The following ARMC7 variants were observed in gnomAD, a reference collection of about 807,000 sequenced individuals.
ARMC7 encodes the protein armadillo repeat containing 7.
A neutral mutation model predicts 14.8 loss-of-function variants in ARMC7; 9 were observed. That is an observed-to-expected ratio of 0.61 (90% confidence interval 0.37 to 1.06). The LOEUF is 1.06. Among genes scored for constraint, ARMC7 ranks in the 50% least tolerant of loss-of-function variants. The pLI is 0.01. For missense variants in ARMC7, 262 were observed against 267.1 expected (o/e 0.98, Z 0.13); for synonymous variants, 125 against 123.4 (o/e 1.01, Z -0.09).
intron 2 of ARMC7, among the ~76,000 whole-genome samples, chr17:75,118,555 C>T (rs1177214229): frequency 2.0e-5 from 3 of 152,240 alleles, no homozygotes; most frequent in African/African-American, 4.8e-5. Flanking sequence ...GATCCGGCTA[C>T]AGCGACCGCG....
chr17:75,111,091 C>G (rs2073918643), intron 2 of ARMC7, among the ~76,000 whole-genome samples: 2 of 151,948 alleles, frequency 1.3e-5, no homozygotes, highest in Admixed American at 6.6e-5. Flanking sequence ...TGCTACTGCA[C>G]TCCAGCCTGG....
chr17:75,110,592 T>C lies in ARMC7; in HGVS notation c.221T>C (p.Val74Ala), dbSNP rs775374565. The change falls in exon 2 of 3, where the codon GTG becomes GCG. Residue 74 changes from valine (V) to alanine (A), a missense_variant. By Grantham distance (64) the Val-to-Ala change is moderately conservative (BLOSUM62 0). Transcript: ENST00000245543. ...CTGTCGGAGGAGAATGAGACCCTGG[T>C]GGAGTTTGCTATTGGTAAGGGCGGG... ...DSLSEENETL[V>A]EFAIGGLCNL... The C allele has an allele frequency of 6.2e-7, 1 of 1,614,138 alleles. No individual in the cohort carries two copies. Among genetic ancestry groups the C allele is most frequent in the African/African-American group, 1.3e-5 (1 of 75,024 alleles).
At chr17:75,120,387 GTGTAGAGTTCC>G (rs2074004878) in intron 2 of ARMC7, among the ~76,000 whole-genome samples, 1 of 152,106 alleles carries the variant, frequency 6.6e-6, no homozygotes, top group African/African-American at 2.4e-5. Flanking sequence ...CAGGGTTCTC[GTGTAGAGTTCC>G]TGTGTGTCCT....
chr17:75,114,190 C>A, intron 2 of ARMC7: 1 of 401,244 alleles, frequency 2.5e-6, no homozygotes, highest in Non-Finnish European at 4.4e-6. Flanking sequence ...TGAACGGTGA[C>A]GGTGGCCCCT....
intron 1 of ARMC7, 32 bp from the exon 2 acceptor site, chr17:75,110,431 G>A (rs1408404585): frequency 3.7e-6 from 6 of 1,614,048 alleles, no homozygotes; most frequent in Non-Finnish European, 5.1e-6. Context: ...CCGCCGCCCG[G>A]ACCTGGCTTC....
chr17:75,112,146 G>A (rs974618789), intron 2 of ARMC7, among the ~76,000 whole-genome samples: 2 of 152,210 alleles, frequency 1.3e-5, no homozygotes, highest in Non-Finnish European at 2.9e-5. Context: ...CAGACGGAAG[G>A]CTGATGTGGG....
chr17:75,110,391 G>C lies in ARMC7; in HGVS notation c.91+12G>C, dbSNP rs1180677373. On this transcript the variant is annotated intron_variant, in intron 1 of 2. Coordinates refer to ENST00000245543, the MANE Select transcript of ARMC7 (RefSeq NM_024585.4). ...GACCCAAAGCCAAGGTGAGAGCCAC[G>C]GTGGGATCAGGTGGCAGGGTCCGCT... 1.9e-6 allele frequency: 3 copies of C among 1,614,052 alleles called. No homozygotes were observed. The highest frequency in any genetic ancestry group is 2.5e-6 in the Non-Finnish European group (3 of 1,180,032).
intron 2 of ARMC7, among the ~76,000 whole-genome samples, chr17:75,117,181 A>G (rs1381495248): frequency 6.6e-6 from 1 of 152,092 alleles, no homozygotes; most frequent in East Asian, 1.9e-4. Context: ...GGTTCAAGCA[A>G]TTCTCCTGCC....
rs1320277534 is a variant in ARMC7, at chr17:75,128,741, C to G, written c.300C>G (p.Val100=). Residue 100 remains valine, a synonymous_variant, in exon 3 of 3, where the codon GTC becomes GTG. Transcript: ENST00000245543. The part of the protein sequence containing the change: ...NKEHILHAGG[V]PLIINCLSSP... ...AGCACATCCTGCACGCAGGAGGTGT[C>G]CCACTCATCATCAACTGCCTATCCA... 6.2e-7 allele frequency: 1 copy of G among 1,613,484 alleles called. No homozygotes were observed. Among genetic ancestry groups the G allele is most frequent in the African/African-American group, 1.3e-5 (1 of 74,916 alleles).
chr17:75,114,183 A>G lies in ARMC7; in HGVS notation c.235+3577A>G. On this transcript the variant is annotated intron_variant, in intron 2 of 2. Coordinates refer to ENST00000245543, the MANE Select transcript of ARMC7 (RefSeq NM_024585.4). ...TGCCCCCACAGCTGCTGCAGTCTGA[A>G]CGGTGACGGTGGCCCCTGCAGAAGC... is the stretch of plus-strand genomic sequence containing the variant. The G allele has an allele frequency of 7.5e-6, 3 of 401,216 alleles. 1 individual carries two copies. Among genetic ancestry groups the G allele is most frequent in the East Asian group, 7.1e-5 (2 of 28,070 alleles). 24.9% of individuals were successfully genotyped at this position (401,216 alleles called of 1,614,324 possible). A position where few individuals can be genotyped will look rare whatever the true frequency, so the allele number is the denominator to read the frequency against.
Position 75,128,763 on chromosome 17 carries a change from T to G in ARMC7, c.322T>G (p.Ser108Ala), listed in dbSNP as rs755705792. ...GGVPLIINCL[S>A]SPNEETVLSA... The stretch of plus-strand genomic sequence containing the variant: ...TGTCCCACTCATCATCAACTGCCTA[T>G]CCAGCCCCAATGAGGAGACGGTGCT... Residue 108 changes from serine to alanine, a missense_variant, in exon 3 of 3, where the codon TCC (serine) becomes GCC (alanine). Physicochemically the swap from Ser to Ala is moderately conservative, Grantham distance 99. Transcript: ENST00000245543. 4.3e-6 allele frequency: 7 copies of G among 1,613,482 alleles called. No individual in the cohort carries two copies. In the East Asian group the frequency reaches 1.6e-4, roughly 36 times the overall value.
intron 2 of ARMC7, among the ~76,000 whole-genome samples, chr17:75,125,259 C>G (rs1456019547): frequency 2.6e-5 from 4 of 152,226 alleles, no homozygotes; most frequent in African/African-American, 9.6e-5. Context: ...CCTTTCCCCC[C>G]CGGGTCAGTG....
At position 75,129,378 on chromosome 17, in the gene ARMC7, G is replaced by A. The variant is rs2074083172; in HGVS notation, c.*340G>A. The A allele has an allele frequency of 2.8e-6, 1 of 359,650 alleles. No homozygotes were observed. The highest frequency in any genetic ancestry group is 5.1e-5 in the East Asian group (1 of 19,536). 22.3% of individuals were successfully genotyped at this position (359,650 alleles called of 1,614,324 possible). A position where few individuals can be genotyped will look rare whatever the true frequency, so the allele number is the denominator to read the frequency against. On this transcript the variant is annotated 3_prime_UTR_variant, in exon 3 of 3. Coordinates refer to ENST00000245543, the MANE Select transcript of ARMC7 (RefSeq NM_024585.4). ...TGCAGGACAGTGTTCTCAGGAGCTG[G>A]GCCTGAGGCTTAGGAGAGCTGCCTT...
chr17:75,128,548 T>C, intron 2 of ARMC7, 129 bp from the exon 3 acceptor site: 1 of 1,315,470 alleles, frequency 7.6e-7, no homozygotes. Flanking sequence ...GGAGCCGGAA[T>C]GGGCTTTGGA....
chr17:75,112,886 C>A (rs1049428947), intron 2 of ARMC7, among the ~76,000 whole-genome samples: 1 of 152,074 alleles, frequency 6.6e-6, no homozygotes, highest in African/African-American at 2.4e-5. Context: ...AGGCCCCAAC[C>A]AGGAATGCAA....
Position 75,125,322 on chromosome 17 carries a change from G to A in ARMC7, c.236-3355G>A, listed in dbSNP as rs188653112. ...CCCTGACATGGTAGAGCACCTAGTC[G>A]GGTATCCCAGGAAGACGCCACTTGC... is the stretch of plus-strand genomic sequence containing the variant. On this transcript the variant is annotated intron_variant, in intron 2 of 2. Coordinates refer to ENST00000245543, the MANE Select transcript of ARMC7 (RefSeq NM_024585.4). Among the ~76,000 whole-genome samples the A allele has an allele frequency of 1.4e-4, 22 of 152,314 alleles. No individual in the cohort carries two copies. The East Asian group carries it at 2.3e-3, about 16-fold the overall frequency.
chr17:75,121,164 C>G (rs1203506203), intron 2 of ARMC7, among the ~76,000 whole-genome samples: 1 of 152,192 alleles, frequency 6.6e-6, no homozygotes, highest in African/African-American at 2.4e-5. Context: ...TTTGGATGTG[C>G]CACAATTTGT....
intron 2 of ARMC7, among the ~76,000 whole-genome samples, chr17:75,126,831 C>G (rs565144230): frequency 3.3e-5 from 5 of 152,084 alleles, no homozygotes; most frequent in Non-Finnish European, 7.4e-5. Flanking sequence ...GAGGCCGAGG[C>G]GGGTGGAACA....
intron 2 of ARMC7, among the ~76,000 whole-genome samples, chr17:75,112,095 C>G (rs990231834): frequency 6.8e-6 from 1 of 146,636 alleles, no homozygotes; most frequent in Non-Finnish European, 1.5e-5. Flanking sequence ...GCATTTTAGC[C>G]GGGACACAGC....
Sources: allele counts gnomAD v4.1 joint callset (sites outside exome capture counted in the v4.1 genomes callset), GRCh38; gene constraint gnomAD v4.1.1; transcripts MANE v1.5; gene names NCBI Gene and HGNC (gene_info 2026-07-23, HGNC 2026-07-21).